The following GRIA4 variants were observed in gnomAD, a reference collection of about 807,000 sequenced individuals.
GRIA4 encodes the protein glutamate ionotropic receptor AMPA type subunit 4, also known as glutamate receptor 4.
GRIA4 carries 34 observed loss-of-function variants against 104.0 expected under a neutral mutation model. The ratio of observed to expected loss-of-function variants is 0.33; its 90% confidence interval spans 0.25 to 0.44. The LOEUF (loss-of-function observed/expected upper bound fraction) is 0.44, where lower values mean the gene tolerates loss of function less well. GRIA4 is among the 20% of genes least tolerant of loss of function. The probability of loss-of-function intolerance (pLI) is 1.00; values close to 1 mark genes in which losing one functional copy is unlikely to be tolerated. For synonymous variants in GRIA4, 386 were observed against 381.9 expected (o/e 1.01, Z -0.13); for missense variants, 750 against 1,096.5 (o/e 0.68, Z 4.46).
At chr11:105,976,394 A>G (rs1006936152) in intron 16 of GRIA4, among the ~76,000 whole-genome samples, 5 of 152,068 alleles carry the variant, frequency 3.3e-5, no homozygotes, top group African/African-American at 9.6e-5. Flanking sequence ...TACAATTTAC[A>G]TATAACATTG....
At chr11:105,657,733 C>T (rs1242372632) in intron 3 of GRIA4, among the ~76,000 whole-genome samples, 1 of 151,776 alleles carries the variant, frequency 6.6e-6, no homozygotes, top group Admixed American at 6.6e-5. Context: ...CTGATGGCAC[C>T]CAGAAATGTT....
At position 105,852,962 on chromosome 11, in the gene GRIA4, A is replaced by ATT. The variant is rs928787234; in HGVS notation, c.488-9060_488-9059dup. On this transcript the variant is annotated intron_variant, in intron 4 of 16. Transcript: ENST00000282499. ...TAAAAGCCAGATCCAAATTAATATT[A>ATT]TTTACAGTACACAGCTTGGCATGTG... Among the ~76,000 whole-genome samples, 3 of 148,806 alleles carry ATT rather than the reference A, an allele frequency of 2.0e-5. 1 individual carries two copies. The highest frequency in any genetic ancestry group is 4.5e-5 in the Non-Finnish European group (3 of 67,020).
At chr11:105,948,145 G>A (rs1948364455) in intron 14 of GRIA4, among the ~76,000 whole-genome samples, 2 of 152,178 alleles carry the variant, frequency 1.3e-5, no homozygotes, top group South Asian at 4.1e-4. Flanking sequence ...AAGCAGCACT[G>A]TTTTTACTCA....
At chr11:105,714,495 G>C (rs1035283571) in intron 3 of GRIA4, among the ~76,000 whole-genome samples, 1 of 151,908 alleles carries the variant, frequency 6.6e-6, no homozygotes, top group Admixed American at 6.6e-5. Flanking sequence ...TGACCTCAAC[G>C]AACAGTTGAT....
chr11:105,637,983 T>C (rs1405133151), intron 3 of GRIA4, among the ~76,000 whole-genome samples: 4 of 152,160 alleles, frequency 2.6e-5, no homozygotes, highest in African/African-American at 9.7e-5. Flanking sequence ...AATTGTGTAT[T>C]TTTAATCGTG....
At position 105,819,694 on chromosome 11, in the gene GRIA4, C is replaced by T. The variant is rs150811664; in HGVS notation, c.488-42330C>T. Among the ~76,000 whole-genome samples the T allele has an allele frequency of 2.2e-3, 333 of 152,134 alleles. 2 individuals are homozygous for T. The highest frequency in any genetic ancestry group is 7.7e-3 in the African/African-American group (320 of 41,528). ...AAAGTCTTACTTTATAACATGTATA[C>T]ATTATCACACATTATTATATTTAAA... On this transcript the variant is annotated intron_variant, in intron 4 of 16. Transcript: ENST00000282499.
chr11:105,748,251 A>C (rs1939781861), intron 3 of GRIA4, among the ~76,000 whole-genome samples: 1 of 152,274 alleles, frequency 6.6e-6, no homozygotes, highest in South Asian at 2.1e-4. Context: ...TGGCTGAGGT[A>C]TTGGTTCCTT....
At chr11:105,912,585 T>A in intron 10 of GRIA4, 1 of 369,692 alleles carries the variant, frequency 2.7e-6, no homozygotes, top group Non-Finnish European at 3.7e-6. Context: ...AAGTTATATG[T>A]TGTTTGACAG....
At chr11:105,672,150 T>C (rs2135440814) in intron 3 of GRIA4, among the ~76,000 whole-genome samples, 1 of 152,256 alleles carries the variant, frequency 6.6e-6, no homozygotes, top group East Asian at 1.9e-4. Context: ...TGGTGAAAGG[T>C]TATAAAAATA....
At chr11:105,931,828 T>C (rs1041843500) in intron 13 of GRIA4, among the ~76,000 whole-genome samples, 6 of 152,200 alleles carry the variant, frequency 3.9e-5, no homozygotes, top group Non-Finnish European at 7.4e-5. Context: ...TCCGAACTTA[T>C]GAAATCAAAA....
At chr11:105,764,765 G>A (rs1182351392) in intron 4 of GRIA4, among the ~76,000 whole-genome samples, 1 of 151,558 alleles carries the variant, frequency 6.6e-6, no homozygotes, top group Non-Finnish European at 1.5e-5. Flanking sequence ...CTGTAGCCAG[G>A]AAAAGGCAGG....
intron 4 of GRIA4, among the ~76,000 whole-genome samples, chr11:105,768,351 ATAG>A (rs1941050542): frequency 6.6e-6 from 1 of 152,156 alleles, no homozygotes; most frequent in Non-Finnish European, 1.5e-5. Flanking sequence ...TGGCATAAAA[ATAG>A]TAGCACTTAA....
At position 105,795,223 on chromosome 11, in the gene GRIA4, T is replaced by G. The variant is rs184236894; in HGVS notation, c.487+42003T>G. On this transcript the variant is annotated intron_variant, in intron 4 of 16. Coordinates refer to ENST00000282499, the MANE Select transcript of GRIA4 (RefSeq NM_000829.4). ...GACTTCACCAGAATGTTTAATAGGT[T>G]AAGGATACCAGAAATTGTTAAGCAC... Among the ~76,000 whole-genome samples, 8 of 152,244 alleles carry G rather than the reference T, an allele frequency of 5.3e-5. No individual in the cohort carries two copies. The East Asian group carries it at 1.5e-3, about 29-fold the overall frequency.
chr11:105,680,147 C>A (rs1290150745), intron 3 of GRIA4, among the ~76,000 whole-genome samples: 1 of 152,086 alleles, frequency 6.6e-6, no homozygotes, highest in East Asian at 1.9e-4. Flanking sequence ...TGAATCATTG[C>A]TATGTCACCT....
intron 3 of GRIA4, among the ~76,000 whole-genome samples, chr11:105,700,102 T>C (rs2135519200): frequency 6.6e-6 from 1 of 152,334 alleles, no homozygotes; most frequent in South Asian, 2.1e-4. Context: ...TGTGATATTT[T>C]ATTATATGAC....
intron 3 of GRIA4, among the ~76,000 whole-genome samples, chr11:105,691,427 C>G (rs1461863823): frequency 6.6e-6 from 1 of 152,120 alleles, no homozygotes; most frequent in African/African-American, 2.4e-5. Context: ...CCATAAGCAG[C>G]AATTTTCTCA....
At chr11:105,905,030 C>T (rs1390713624) in intron 8 of GRIA4, among the ~76,000 whole-genome samples, 167 bp from the exon 9 acceptor site, 1 of 152,168 alleles carries the variant, frequency 6.6e-6, no homozygotes, top group Non-Finnish European at 1.5e-5. Flanking sequence ...CTTTGATATT[C>T]CTATTTCAGA....
chr11:105,746,716 A>T (rs953006860), intron 3 of GRIA4, among the ~76,000 whole-genome samples: 9 of 152,156 alleles, frequency 5.9e-5, no homozygotes, highest in African/African-American at 1.9e-4. Context: ...GATTTTTATA[A>T]CTGATAACTT....
At chr11:105,784,749 TTAAGCATTTTGTGGGCATAAA>T (rs1428723335) in intron 4 of GRIA4, among the ~76,000 whole-genome samples, 1 of 152,192 alleles carries the variant, frequency 6.6e-6, no homozygotes, top group Non-Finnish European at 1.5e-5. Context: ...TCCTCCTTAA[TTAAGCATTTTGTGGGCATAAA>T]TAAGATGTGT....
Sources: allele counts gnomAD v4.1 joint callset (sites outside exome capture counted in the v4.1 genomes callset), GRCh38; gene constraint gnomAD v4.1.1; transcripts MANE v1.5; gene names NCBI Gene and HGNC (gene_info 2026-07-23, HGNC 2026-07-21).